The following PPIL2 variants were observed in gnomAD, a reference collection of about 807,000 sequenced individuals.
PPIL2 encodes the protein peptidylprolyl isomerase like 2.
In PPIL2, 50 loss-of-function variants were observed where a neutral mutation model predicts 75.2. That is an observed-to-expected ratio of 0.66 (90% confidence interval 0.53 to 0.84). The LOEUF (loss-of-function observed/expected upper bound fraction) is 0.84. Ranked by LOEUF, PPIL2 falls within the 40% of genes least tolerant of loss-of-function variation. The pLI is 0.00. For synonymous variants in PPIL2, 245 were observed against 258.8 expected, an observed-to-expected ratio of 0.95 and a Z score of 0.51; for missense variants, 590 against 685.0, an observed-to-expected ratio of 0.86 and a Z score of 1.55.
chr22:21,683,375 C>A, intron 9 of PPIL2, 118 bp downstream of exon 9: 1 of 813,946 alleles, frequency 1.2e-6, no homozygotes, highest in Non-Finnish European at 2.0e-6. Context: ...CAGACAGGCC[C>A]TGCATTTTCT....
chr22:21,684,778 G>A lies in PPIL2; in HGVS notation c.579G>A (p.Pro193=), dbSNP rs970738271. 7.4e-6 allele frequency: 12 copies of A among 1,613,992 alleles called. No homozygotes were observed. Among genetic ancestry groups the A allele is most frequent in the African/African-American group, 2.7e-5 (2 of 74,908 alleles). ...ATGAAGAGAAGGCCAAACAGGACCC[G>A]TCTTATTATCTGAAAAATACAAATG... ...DPDEEKAKQD[P]SYYLKNTNAE... The change falls in exon 10 of 20, where the codon CCG becomes CCA. Residue 193 remains proline, a synonymous_variant. Transcript: ENST00000398831.
chr22:21,692,182 G>A (rs2067673666), intron 15 of PPIL2, among the ~76,000 whole-genome samples: 1 of 150,760 alleles, frequency 6.6e-6, no homozygotes, highest in Non-Finnish European at 1.5e-5. Flanking sequence ...TTGAGACGGA[G>A]TCTCGCTCCG....
At chr22:21,675,353 T>G (rs2066795899) in intron 6 of PPIL2, among the ~76,000 whole-genome samples, 1 of 152,108 alleles carries the variant, frequency 6.6e-6, no homozygotes, top group Non-Finnish European at 1.5e-5. Flanking sequence ...CTGGCCAACA[T>G]GGTAAAACCC....
Position 21,688,809 on chromosome 22 carries a change from A to G in PPIL2, c.1099A>G (p.Ser367Gly). The change falls in exon 15 of 20, where the codon AGC (serine) becomes GGC (glycine). Residue 367 changes from serine to glycine, a missense_variant. By Grantham distance (56) the Ser-to-Gly change is moderately conservative. Coordinates refer to ENST00000398831, the MANE Select transcript of PPIL2 (RefSeq NM_014337.4). ...CTCGCACACGGGCCGCGGCATCCTCAGCATGGCCAACTCCGGGCCCAACAG... is the reference window on the plus strand; with the variant it reads ...CTCGCACACGGGCCGCGGCATCCTCGGCATGGCCAACTCCGGGCCCAACAG... ...NLSHTGRGILSMANSGPNSNR... is the reference protein window; with the variant it reads ...NLSHTGRGILGMANSGPNSNR... 2 of 1,614,204 alleles carry G rather than the reference A, an allele frequency of 1.2e-6. No individual in the cohort carries two copies. Among genetic ancestry groups the G allele is most frequent in the Non-Finnish European group, 1.7e-6 (2 of 1,180,014 alleles).
At chr22:21,683,138 C>G (rs181471476) in intron 8 of PPIL2, 44 bp from the exon 9 acceptor site, 2 of 1,534,666 alleles carry the variant, frequency 1.3e-6, no homozygotes, top group Non-Finnish European at 1.8e-6. Flanking sequence ...GCCATTTGGC[C>G]GTAGGCTGGG....
chr22:21,686,232 G>A (rs781723916), intron 10 of PPIL2, among the ~76,000 whole-genome samples: 16 of 152,218 alleles, frequency 1.1e-4, no homozygotes, highest in Non-Finnish European at 1.9e-4. Context: ...GGCCAGTCCT[G>A]TGTGGTATTT....
In PPIL2 at chr22:21,696,006, A is replaced by AC. The variant is rs1000339705; in HGVS notation, c.*520dup. ...CCAGCTGTATATGTCTGGTTTTCTT[A>AC]CCCCTACTTCTGTCATCTTCTCAGG... On this transcript the variant is annotated 3_prime_UTR_variant, in exon 20 of 20. Transcript: ENST00000398831. 9.4e-6 allele frequency: 5 copies of AC among 530,902 alleles called. No homozygotes were observed. The highest frequency in any genetic ancestry group is 1.2e-5 in the Non-Finnish European group (5 of 409,392). The allele number at this position is 530,902 out of a possible 1,614,324, so 32.9% of individuals were successfully genotyped here.
rs371054558 is a variant in PPIL2 at position 21,694,689 on chromosome 22, G to T, written c.1269+24G>T. On this transcript the variant is annotated intron_variant, in intron 17 of 19. Transcript: ENST00000398831. ...AGGTCTGTGCCCAGGGAGGTGGGGC[G>T]TGGCGGCTGGGGGCCAGGCAGGCAG... is the stretch of plus-strand genomic sequence containing the variant. 3.1e-6 allele frequency: 5 copies of T among 1,613,494 alleles called. No individual in the cohort carries two copies. The African/African-American group carries it at 5.3e-5, about 17-fold the overall frequency.
chr22:21,670,099 A>G, intron 2 of PPIL2, 137 bp downstream of exon 2: 1 of 993,886 alleles, frequency 1.0e-6, no homozygotes, highest in Non-Finnish European at 1.5e-6. Flanking sequence ...GACACAGTTC[A>G]TGAAAGAGAA....
intron 5 of PPIL2, 66 bp from the exon 6 acceptor site, chr22:21,674,998 A>G: frequency 7.0e-7 from 1 of 1,422,862 alleles, no homozygotes; most frequent in Non-Finnish European, 9.9e-7. Flanking sequence ...CCTGTCTCTG[A>G]CCCTAGCATC....
At chr22:21,691,120 C>CT (rs67371545) in intron 15 of PPIL2, among the ~76,000 whole-genome samples, 97,594 of 151,114 alleles carry the variant, frequency 0.65, 32,162 homozygotes, top group African/African-American at 0.77. Flanking sequence ...ATTTTTTGTA[C>CT]TTTAGTAGAG....
At chr22:21,676,932 G>C (rs1223701454) in intron 6 of PPIL2, among the ~76,000 whole-genome samples, 4 of 152,016 alleles carry the variant, frequency 2.6e-5, no homozygotes, top group African/African-American at 9.7e-5. Context: ...CAGAAGGGGC[G>C]GCCGGGCAGA....
chr22:21,687,696 T>A lies in PPIL2; in HGVS notation c.951T>A (p.Asp317Glu), dbSNP rs2067433419. 6.2e-7 allele frequency: 1 copy of A among 1,612,784 alleles called. No individual in the cohort carries two copies. The highest frequency in any genetic ancestry group is 1.7e-5 in the Admixed American group (1 of 59,940). The change falls in exon 13 of 20, where the codon GAT (aspartate) becomes GAA (glutamate). Residue 317 changes from aspartate to glutamate, a missense_variant. Physicochemically the swap from Asp to Glu is conservative, Grantham distance 45. Transcript: ENST00000398831. ...GGCTTTGCAAGAAGCATTATTACGA[T>A]GGCACCATCTTCCACAGATCCATCC... ...FIRLCKKHYY[D>E]GTIFHRSIRN... is the part of the protein sequence containing the mutation.
chr22:21,667,152 ATTTTTT>A (rs747410460), intron 1 of PPIL2, among the ~76,000 whole-genome samples: 1 of 106,554 alleles, frequency 9.4e-6, no homozygotes, highest in Non-Finnish European at 1.8e-5. Flanking sequence ...CTCAGTCCTC[ATTTTTT>A]TTTTTTTTTT....
At chr22:21,686,793 A>G in intron 11 of PPIL2, 99 bp from the exon 12 acceptor site, 1 of 1,244,188 alleles carries the variant, frequency 8.0e-7, no homozygotes, top group Non-Finnish European at 1.2e-6. Context: ...CCAGAGCTGG[A>G]GCCTAGTCCC....
chr22:21,697,214 G>A lies in PPIL2; in HGVS notation c.*1724G>A, dbSNP rs2067972228. On this transcript the variant is annotated 3_prime_UTR_variant, in exon 20 of 20. Coordinates refer to ENST00000398831, the MANE Select transcript of PPIL2 (RefSeq NM_014337.4). Reference sequence around the variant, plus strand: ...ACAGTAGGACACAGTGACTGCCCAGGTGTCCACACACCTGTAGGCCTCTGA... The same window carrying A: ...ACAGTAGGACACAGTGACTGCCCAGATGTCCACACACCTGTAGGCCTCTGA... The A allele has an allele frequency of 1.8e-6, 1 of 568,394 alleles. No homozygotes were observed. Among genetic ancestry groups the A allele is most frequent in the African/African-American group, 1.9e-5 (1 of 53,152 alleles). The allele number at this position is 568,394 out of a possible 1,614,324, so 35.2% of individuals were successfully genotyped here.
At chr22:21,688,644 C>A in intron 14 of PPIL2, 88 bp from the exon 15 acceptor site, 2 of 1,296,348 alleles carry the variant, frequency 1.5e-6, no homozygotes, top group Non-Finnish European at 1.1e-6. Flanking sequence ...CTCAGCAAGG[C>A]CCTGATGCCC....
At chr22:21,670,668 A>G (rs1314147315) in intron 3 of PPIL2, 57 bp downstream of exon 3, 13 of 1,523,046 alleles carry the variant, frequency 8.5e-6, no homozygotes, top group South Asian at 6.8e-5. Flanking sequence ...CCTGTCTGAT[A>G]GTGAATCTGC....
chr22:21,674,898 C>G (rs2066774001), intron 5 of PPIL2, among the ~76,000 whole-genome samples, 166 bp from the exon 6 acceptor site: 1 of 152,228 alleles, frequency 6.6e-6, no homozygotes, highest in South Asian at 2.1e-4. Context: ...CGACGCCATC[C>G]TGCAGCCCCC....
Sources: gnomAD v4.1 joint callset for allele counts (sites outside exome capture counted in the v4.1 genomes callset) on GRCh38, gnomAD v4.1.1 for gene constraint, MANE v1.5 for transcripts, NCBI Gene and HGNC (gene_info 2026-07-23, HGNC 2026-07-21) for gene names.